RNF150: variants seen among roughly 807,000 people sequenced by gnomAD.
RNF150 encodes the protein ring finger protein 150.
In RNF150, 24 loss-of-function variants were observed where a neutral mutation model predicts 39.3. The ratio of observed to expected loss-of-function variants is 0.61; its 90% CI spans 0.44 to 0.86. The LOEUF (loss-of-function observed/expected upper bound fraction) is 0.86, where lower values mean the gene tolerates loss of function less well. Ranked by LOEUF, RNF150 falls within the 40% of genes least tolerant of loss-of-function variation. The pLI, the probability that RNF150 is intolerant of heterozygous loss-of-function variation, is 0.00. For missense variants in RNF150, 502 were observed against 587.8 expected (o/e 0.85, Z 1.51); for synonymous variants, 255 against 227.3 (o/e 1.12, Z -1.10).
At chr4:140,933,759 A>C (rs1437087604) in intron 4 of RNF150, among the ~76,000 whole-genome samples, 1 of 152,198 alleles carries the variant, frequency 6.6e-6, no homozygotes, top group East Asian at 1.9e-4. Flanking sequence ...CACATCATTA[A>C]GTTATTTCCT....
intron 2 of RNF150, among the ~76,000 whole-genome samples, chr4:140,958,498 C>T (rs887071721): frequency 1.3e-5 from 2 of 152,164 alleles, no homozygotes; most frequent in African/African-American, 4.8e-5. Context: ...AATCTGGCTG[C>T]ATGCCCTTGA....
At chr4:141,048,590 AG>A (rs1358798907) in intron 1 of RNF150, among the ~76,000 whole-genome samples, 1 of 152,046 alleles carries the variant, frequency 6.6e-6, no homozygotes, top group African/African-American at 2.4e-5. Flanking sequence ...AAAATTAACC[AG>A]GCATGGTAGT....
chr4:140,897,384 G>C (rs1203012459), intron 6 of RNF150, among the ~76,000 whole-genome samples: 1 of 152,164 alleles, frequency 6.6e-6, no homozygotes, highest in Non-Finnish European at 1.5e-5. Flanking sequence ...CAGGAAGCCT[G>C]ATAGAAGTGA....
chr4:140,902,444 T>C (rs1329777673), intron 6 of RNF150, among the ~76,000 whole-genome samples: 1 of 152,232 alleles, frequency 6.6e-6, no homozygotes, highest in Non-Finnish European at 1.5e-5. Flanking sequence ...AAGTATACCA[T>C]GCAAAGGCAT....
chr4:140,971,819 TG>T (rs1195436161), intron 1 of RNF150, among the ~76,000 whole-genome samples: 2 of 152,168 alleles, frequency 1.3e-5, no homozygotes, highest in African/African-American at 2.4e-5. Context: ...GTTTAGACAT[TG>T]TATTAATAAA....
intron 5 of RNF150, among the ~76,000 whole-genome samples, chr4:140,912,980 A>ACC (rs1418920364): frequency 3.3e-5 from 5 of 149,974 alleles, no homozygotes; most frequent in Non-Finnish European, 5.9e-5. Context: ...AAAAAAAAAA[A>ACC]AAAACACCAT....
At position 141,034,238 on chromosome 4, in the gene RNF150, G is replaced by A. The variant is rs1736059016; in HGVS notation, c.485-66365C>T. Among the ~76,000 whole-genome samples, 4 of 152,292 alleles carry A rather than the reference G, an allele frequency of 2.6e-5. No individual in the cohort carries two copies. The South Asian group carries it at 8.3e-4, about 32-fold the overall frequency. ...TGCATTTTTATGTTTTGGAGATTGT[G>A]TCTTTCTTTAAACATCATGAACTAG... On this transcript the variant is annotated intron_variant, in intron 1 of 6. Transcript: ENST00000515673.
chr4:141,033,505 C>T (rs1475955087), intron 1 of RNF150, among the ~76,000 whole-genome samples: 1 of 152,178 alleles, frequency 6.6e-6, no homozygotes, highest in African/African-American at 2.4e-5. Flanking sequence ...TAACCTCCCC[C>T]CATGAATCAC....
At chr4:141,150,310 C>T (rs1298186176) in intron 1 of RNF150, among the ~76,000 whole-genome samples, 3 of 152,198 alleles carry the variant, frequency 2.0e-5, no homozygotes, top group Non-Finnish European at 4.4e-5. Context: ...AACCTTGGAG[C>T]TCTCTTTGAC....
intron 1 of RNF150, among the ~76,000 whole-genome samples, chr4:141,119,082 C>T (rs1337737023): frequency 6.6e-6 from 1 of 152,180 alleles, no homozygotes; most frequent in African/African-American, 2.4e-5. Flanking sequence ...AGATTAAATT[C>T]ATTTTGGAGC....
At chr4:141,121,026 T>C (rs867888825) in intron 1 of RNF150, among the ~76,000 whole-genome samples, 1 of 152,164 alleles carries the variant, frequency 6.6e-6, no homozygotes, top group Admixed American at 6.6e-5. Context: ...TAAGATGCGA[T>C]CAGATTCAGA....
chr4:141,027,912 G>A (rs113267714), intron 1 of RNF150, among the ~76,000 whole-genome samples: 1 of 27,102 alleles, frequency 3.7e-5, no homozygotes, highest in African/African-American at 1.1e-4. Flanking sequence ...CTTGGAATTT[G>A]TTTTTTTTTT....
intron 2 of RNF150, among the ~76,000 whole-genome samples, chr4:140,967,001 T>A (rs1376414336): frequency 6.6e-6 from 1 of 152,164 alleles, no homozygotes; most frequent in Non-Finnish European, 1.5e-5. Context: ...GCTTATGTAT[T>A]GATGTAAATT....
At chr4:141,057,894 G>A (rs1199963193) in intron 1 of RNF150, among the ~76,000 whole-genome samples, 1 of 151,916 alleles carries the variant, frequency 6.6e-6, no homozygotes, top group Non-Finnish European at 1.5e-5. Context: ...CACTATGTTG[G>A]ACATAATAAC....
chr4:141,131,934 A>G (rs1292890381), intron 1 of RNF150, among the ~76,000 whole-genome samples: 2 of 152,144 alleles, frequency 1.3e-5, no homozygotes, highest in Admixed American at 1.3e-4. Context: ...TACCTGATGC[A>G]CAGACCCAAG....
intron 6 of RNF150, among the ~76,000 whole-genome samples, chr4:140,902,184 G>A (rs896189294): frequency 1.3e-5 from 2 of 152,186 alleles, no homozygotes; most frequent in Non-Finnish European, 2.9e-5. Flanking sequence ...AGTAGTGGCA[G>A]AGGGAAATGG....
At chr4:140,913,088 C>A (rs1043364231) in intron 5 of RNF150, among the ~76,000 whole-genome samples, 4 of 152,118 alleles carry the variant, frequency 2.6e-5, no homozygotes, top group Admixed American at 2.6e-4. Context: ...ATGGTGAAAC[C>A]CTGTCTCAGC....
intron 2 of RNF150, among the ~76,000 whole-genome samples, chr4:140,954,485 C>G (rs143790535): frequency 6.6e-6 from 1 of 152,262 alleles, no homozygotes; most frequent in African/African-American, 2.4e-5. Context: ...GGATTACTGG[C>G]ATGAGCTACC....
At chr4:140,957,575 A>G (rs1732815912) in intron 2 of RNF150, among the ~76,000 whole-genome samples, 1 of 152,184 alleles carries the variant, frequency 6.6e-6, no homozygotes, top group Non-Finnish European at 1.5e-5. Flanking sequence ...ACTATAAATC[A>G]TGCTGCTATA....
Sources: allele counts gnomAD v4.1 joint callset (sites outside exome capture counted in the v4.1 genomes callset), GRCh38; gene constraint gnomAD v4.1.1; transcripts MANE v1.5; gene names NCBI Gene and HGNC (gene_info 2026-07-23, HGNC 2026-07-21).